Variants in GRIP2 observed in about 807,000 individuals in gnomAD.
The protein encoded by GRIP2 is glutamate receptor interacting protein 2, also known as glutamate receptor-interacting protein 2.
In GRIP2, 58 loss-of-function variants were observed where a neutral mutation model predicts 108.3. That is an observed-to-expected ratio of 0.54 (90% CI 0.43 to 0.67). The LOEUF is 0.67. Among genes scored for constraint, GRIP2 ranks in the 30% least tolerant of loss-of-function variants. GRIP2 has a pLI of 0.00. For missense variants in GRIP2, 1,278 were observed against 1,430.6 expected (o/e 0.89, Z 1.72); for synonymous variants, 586 against 598.2 (o/e 0.98, Z 0.30).
chr3:14,587,388 T>C, the GRIP2 span, among the ~76,000 whole-genome samples: 1 of 152,156 alleles, frequency 6.6e-6, no homozygotes, highest in Non-Finnish European at 1.5e-5. Context: ...AACTTTTCTC[T>C]TTTAGGCTGA....
At position 14,496,539 on chromosome 3, in the gene GRIP2, C is replaced by A. The variant is rs201046591; in HGVS notation, c.2701G>T (p.Val901Leu). Reference sequence around the variant, plus strand: ...CTGCCCTCGAGGGCCACCCTCTGCACGGTGCCCGTCATGATGGATGCCTGC... The same window carrying A: ...CTGCCCTCGAGGGCCACCCTCTGCAAGGTGCCCGTCATGATGGATGCCTGC... ...ELEASIMTGTVQRVALEGRPG... is the reference protein window; with the variant it reads ...ELEASIMTGTLQRVALEGRPG... The change falls in exon 22 of 24, where the codon GTG (valine) becomes TTG (leucine). Residue 901 changes from valine (V) to leucine (L), a missense_variant. Transcript: ENST00000621039. The A allele has an allele frequency of 3.7e-6, 6 of 1,607,474 alleles. No individual in the cohort carries two copies. The Admixed American group carries it at 6.7e-5, about 18-fold the overall frequency.
chr3:14,558,465 A>G (rs573213861), upstream of GRIP2, among the ~76,000 whole-genome samples: 87 of 152,320 alleles, frequency 5.7e-4, 1 homozygote, highest in South Asian at 0.018. Flanking sequence ...TGCCTTTGGT[A>G]GGAAGAGAAA....
At chr3:14,565,334 G>A in the GRIP2 span, among the ~76,000 whole-genome samples, 4 of 152,162 alleles carry the variant, frequency 2.6e-5, 1 homozygote, top group Non-Finnish European at 5.9e-5. Flanking sequence ...GCAGAGTCAG[G>A]GCTTGAACTC....
chr3:14,505,168 G>A lies in GRIP2; in HGVS notation c.2573+447C>T, dbSNP rs1236324146. Among the ~76,000 whole-genome samples, 1 of 152,170 alleles carries A rather than the reference G, an allele frequency of 6.6e-6. No homozygotes were observed. Among genetic ancestry groups the A allele is most frequent in the African/African-American group, 2.4e-5 (1 of 41,448 alleles). Reference sequence around the variant, plus strand: ...GATGGGAGGGTGGCCTGGGCCAGATGAGGAACAGCATTTCTCCACAGCCTG... The same window carrying A: ...GATGGGAGGGTGGCCTGGGCCAGATAAGGAACAGCATTTCTCCACAGCCTG... On this transcript the variant is annotated intron_variant, in intron 20 of 23. Transcript: ENST00000621039. This position sits in a 1 kb window ranked among gnomAD's most constrained non-coding sequence, Gnocchi z 4.2.
rs201795778 is a variant in GRIP2, at chr3:14,507,561, G to A, written c.2218C>T (p.Arg740Cys). 50 of 1,612,162 alleles carry A rather than the reference G, an allele frequency of 3.1e-5. 1 individual carries two copies. Among genetic ancestry groups the A allele is most frequent in the Non-Finnish European group, 4.0e-5 (47 of 1,178,382 alleles). The change falls in exon 18 of 24, where the codon CGT becomes TGT. Residue 740 changes from arginine to cysteine, a missense_variant and splice_region_variant. Transcript: ENST00000621039. This position sits in a 1 kb window ranked among gnomAD's most constrained non-coding sequence, Gnocchi z 4.6. Reference sequence around the variant, plus strand: ...TCCCAGGGGATGAAGCGAATCTCACGGTCTAGTTGCTTCTTGATCTTCAGT... The same window carrying A: ...TCCCAGGGGATGAAGCGAATCTCACAGTCTAGTTGCTTCTTGATCTTCAGT... ...VTLKIKKQLD[R>C]PLLPRKSGSL...
chr3:14,523,847 T>C (rs542823455), intron 4 of GRIP2, 149 bp from the exon 5 acceptor site: 29 of 639,182 alleles, frequency 4.5e-5, no homozygotes, highest in Non-Finnish European at 7.9e-5. Context: ...GTCGAACAAG[T>C]GAGGCTTAGA....
At chr3:14,547,571 G>C (rs530002613) in intron 1 of GRIP2, among the ~76,000 whole-genome samples, 28 of 152,198 alleles carry the variant, frequency 1.8e-4, no homozygotes, top group Non-Finnish European at 3.5e-4. Flanking sequence ...GATGCTGCTG[G>C]AAGAGTTTGG....
the GRIP2 span, among the ~76,000 whole-genome samples, chr3:14,589,366 G>C: frequency 6.6e-6 from 1 of 152,200 alleles, no homozygotes; most frequent in South Asian, 2.1e-4. Flanking sequence ...GAAATTTCTA[G>C]AAGGACAGTC....
At chr3:14,575,683 C>T in the GRIP2 span, among the ~76,000 whole-genome samples, 2 of 152,232 alleles carry the variant, frequency 1.3e-5, no homozygotes, top group South Asian at 2.1e-4. Flanking sequence ...AGAGAACCCA[C>T]CCTGAAGGTC....
chr3:14,531,493 G>C (rs948974161), intron 1 of GRIP2, among the ~76,000 whole-genome samples: 3 of 152,202 alleles, frequency 2.0e-5, no homozygotes, highest in Non-Finnish European at 4.4e-5. Context: ...TTAAAGGCAG[G>C]GTTCAGCCTG....
chr3:14,528,562 C>T (rs961050188), intron 1 of GRIP2, among the ~76,000 whole-genome samples: 4 of 152,028 alleles, frequency 2.6e-5, no homozygotes, highest in South Asian at 2.1e-4. Flanking sequence ...AGGGTTTAAA[C>T]GAAAAAATTT....
chr3:14,545,839 C>T (rs189841769), upstream of GRIP2, among the ~76,000 whole-genome samples: 49 of 152,336 alleles, frequency 3.2e-4, no homozygotes, highest in African/African-American at 1.2e-3. Context: ...TACTAAGCAC[C>T]TACTACCTTC....
At chr3:14,497,831 A>G (rs1245021585) in intron 21 of GRIP2, among the ~76,000 whole-genome samples, 1 of 152,128 alleles carries the variant, frequency 6.6e-6, no homozygotes, top group East Asian at 1.9e-4. Flanking sequence ...GTGGAGTTAG[A>G]ACGGGCTCAG....
In GRIP2 at chr3:14,507,422, T is replaced by C. The variant is rs1452586323; in HGVS notation, c.2218+139A>G. ...GCTCATCACTTCCCTCTCTGAGTCT[T>C]ATCTTCTTTGCCATCGCAGGCCCGC... On this transcript the variant is annotated intron_variant, in intron 18 of 23. Coordinates refer to ENST00000621039, the MANE Select transcript of GRIP2 (RefSeq NM_001080423.4). The surrounding 1 kb of genome is among the most constrained non-coding windows in gnomAD (Gnocchi z 4.6). 4 of 1,047,756 alleles carry C rather than the reference T, an allele frequency of 3.8e-6. No individual in the cohort carries two copies. The highest frequency in any genetic ancestry group is 5.6e-6 in the Non-Finnish European group (4 of 717,186). 64.9% of individuals were successfully genotyped at this position (1,047,756 alleles called of 1,614,324 possible).
chr3:14,506,867 G>C lies in GRIP2; in HGVS notation c.2332C>G (p.Pro778Ala). The C allele has an allele frequency of 2.5e-6, 4 of 1,606,792 alleles. No individual in the cohort carries two copies. The highest frequency in any genetic ancestry group is 3.4e-6 in the Non-Finnish European group (4 of 1,176,724). ...GACTCCACAGCACTGTCCACACTGG[G>C]CACAGCCGGCGAGAAGCGGGCTGCT... is the stretch of plus-strand genomic sequence containing the variant. ...LPAARFSPAV[P>A]SVDSAVESWD... The change falls in exon 19 of 24, where the codon CCC becomes GCC. Residue 778 changes from proline (P) to alanine (A), a missense_variant. By Grantham distance (27) the Pro-to-Ala change is conservative. Transcript: ENST00000621039.
At chr3:14,499,851 T>C (rs918625467) in intron 21 of GRIP2, among the ~76,000 whole-genome samples, 3 of 152,044 alleles carry the variant, frequency 2.0e-5, no homozygotes, top group African/African-American at 7.2e-5. Context: ...GGGCCACACA[T>C]AAAATACACT....
chr3:14,554,569 TC>T (rs2124984281), intron 1 of GRIP2, among the ~76,000 whole-genome samples: 1 of 152,182 alleles, frequency 6.6e-6, no homozygotes, highest in East Asian at 1.9e-4. Context: ...GGACCAGGCT[TC>T]CAGGGACCTC....
chr3:14,510,082 G>A, intron 16 of GRIP2, 118 bp from the exon 17 acceptor site: 4 of 971,444 alleles, frequency 4.1e-6, no homozygotes, highest in African/African-American at 1.7e-5. Flanking sequence ...AGTCACTCAC[G>A]CTCTGATTTC....
intron 1 of GRIP2, among the ~76,000 whole-genome samples, chr3:14,532,585 A>G (rs1457681174): frequency 6.6e-6 from 1 of 151,988 alleles, no homozygotes; most frequent in East Asian, 1.9e-4. Flanking sequence ...GGGGAACCAT[A>G]TCGCCCCCAA....
Sources: gnomAD v4.1 joint callset for allele counts (sites outside exome capture counted in the v4.1 genomes callset) on GRCh38, gnomAD v4.1.1 for gene constraint, Gnocchi (gnomAD v3.1) non-coding constraint, MANE v1.5 for transcripts, NCBI Gene and HGNC (gene_info 2026-07-23, HGNC 2026-07-21) for gene names.